Variants in ASAP1 observed in about 807,000 individuals in gnomAD.
The protein encoded by ASAP1 is ArfGAP with SH3 domain, ankyrin repeat and PH domain 1, also known as arf-GAP with SH3 domain, ANK repeat and PH domain-containing protein 1.
A neutral mutation model predicts 145.2 loss-of-function variants in ASAP1; 43 were observed. The ratio of observed to expected loss-of-function variants is 0.30; its 90% CI spans 0.23 to 0.38. The LOEUF (loss-of-function observed/expected upper bound fraction) is 0.38. Ranked by LOEUF, ASAP1 falls within the 10% of genes least tolerant of loss-of-function variation. The pLI, the probability that ASAP1 is intolerant of heterozygous loss-of-function variation, is 1.00. For missense variants in ASAP1, 1,018 were observed against 1,355.3 expected (o/e 0.75, Z 3.91); for synonymous variants, 546 against 515.5 (o/e 1.06, Z -0.80).
intron 18 of ASAP1, among the ~76,000 whole-genome samples, chr8:130,122,806 C>G (rs905194224): frequency 1.3e-5 from 2 of 152,182 alleles, no homozygotes; most frequent in Non-Finnish European, 2.9e-5. Flanking sequence ...CAAAGCTGAC[C>G]AGGTGGCGCT....
chr8:130,290,735 G>T (rs1005926598), intron 3 of ASAP1, among the ~76,000 whole-genome samples: 1 of 152,176 alleles, frequency 6.6e-6, no homozygotes, highest in Non-Finnish European at 1.5e-5. Flanking sequence ...CCTTGCAGAT[G>T]CTCTGAGGCA....
intron 27 of ASAP1, among the ~76,000 whole-genome samples, chr8:130,071,005 AGG>A (rs1466220526): frequency 0.044 from 256 of 5,780 alleles, 30 homozygotes; most frequent in Middle Eastern, 0.17. Flanking sequence ...GAGAGAGGGG[AGG>A]GGGGGAGAGA....
intron 3 of ASAP1, among the ~76,000 whole-genome samples, chr8:130,299,475 T>G (rs1822489540): frequency 1.3e-5 from 2 of 152,250 alleles, no homozygotes; most frequent in Admixed American, 1.3e-4. Flanking sequence ...CAACACTATA[T>G]GGCACAGTAC....
chr8:130,293,942 C>G (rs1822101176), intron 3 of ASAP1, among the ~76,000 whole-genome samples: 1 of 152,230 alleles, frequency 6.6e-6, no homozygotes, highest in South Asian at 2.1e-4. Flanking sequence ...CCTCCTGCCA[C>G]TAATGCAATT....
At chr8:130,410,610 G>A (rs1250987215) in intron 1 of ASAP1, among the ~76,000 whole-genome samples, 1 of 152,212 alleles carries the variant, frequency 6.6e-6, no homozygotes, top group Non-Finnish European at 1.5e-5. Context: ...GGTCTGCTGT[G>A]CTGCCCATTG....
intron 24 of ASAP1, among the ~76,000 whole-genome samples, chr8:130,108,452 T>C (rs2135554859): frequency 6.6e-6 from 1 of 152,330 alleles, no homozygotes; most frequent in South Asian, 2.1e-4. Flanking sequence ...ATCCTATCTT[T>C]GAGTTAAGAT....
At chr8:130,388,676 T>C (rs1828135082) in intron 2 of ASAP1, among the ~76,000 whole-genome samples, 1 of 152,146 alleles carries the variant, frequency 6.6e-6, no homozygotes, top group Non-Finnish European at 1.5e-5. Context: ...CTTGGTGTCA[T>C]AGAAGCCAAA....
intron 27 of ASAP1, among the ~76,000 whole-genome samples, chr8:130,065,073 G>A (rs1356146303): frequency 1.3e-5 from 2 of 151,938 alleles, no homozygotes; most frequent in African/African-American, 4.8e-5. Context: ...TAGACACAAG[G>A]TCTCATTATG....
chr8:130,193,909 C>A (rs1262569874), intron 5 of ASAP1, among the ~76,000 whole-genome samples: 1 of 152,142 alleles, frequency 6.6e-6, no homozygotes, highest in African/African-American at 2.4e-5. Flanking sequence ...AGGCTGGTTT[C>A]CAACTCCTGG....
intron 3 of ASAP1, among the ~76,000 whole-genome samples, chr8:130,357,204 C>T (rs1448949106): frequency 6.6e-6 from 1 of 152,148 alleles, no homozygotes; most frequent in Non-Finnish European, 1.5e-5. Flanking sequence ...GCCCTGCCCC[C>T]CACCCCCCAC....
At chr8:130,246,183 C>G (rs1054561979) in intron 3 of ASAP1, among the ~76,000 whole-genome samples, 4 of 151,836 alleles carry the variant, frequency 2.6e-5, no homozygotes, top group Admixed American at 1.3e-4. Context: ...TCCCCTTCGC[C>G]CCCCCATGGG....
At position 130,167,564 on chromosome 8, in the gene ASAP1, T is replaced by C. The variant is rs2097682505; in HGVS notation, c.881A>G (p.Lys294Arg). 6.2e-7 allele frequency: 1 copy of C among 1,613,934 alleles called. No individual in the cohort carries two copies. The change falls in exon 11 of 30, where the codon AAA becomes AGA. Residue 294 changes from lysine to arginine, a missense_variant. Physicochemically the swap from Lys to Arg is conservative, Grantham distance 26. Around this residue, in one of 9 missense-constraint regions of ASAP1, gnomAD observed 62 missense variants for 68.5 expected, o/e 0.90. Transcript: ENST00000518721. Reference protein sequence around the residue: ...KQLTALRDLIKSSLQLDQKED... With the variant: ...KQLTALRDLIRSSLQLDQKED... ...TTTCTGATCCAGTTGAAGAGAGGAT[T>C]TTATTAAGTCTCGGAGTGCAGTTAG... is the stretch of plus-strand genomic sequence containing the variant.
chr8:130,151,067 C>T (rs1033838249), intron 13 of ASAP1, among the ~76,000 whole-genome samples: 45 of 151,872 alleles, frequency 3.0e-4, no homozygotes, highest in Non-Finnish European at 5.7e-4. Flanking sequence ...AGAATGGAAG[C>T]TTAACAAAAG....
intron 3 of ASAP1, among the ~76,000 whole-genome samples, chr8:130,261,207 A>G (rs1819875015): frequency 6.6e-6 from 1 of 152,172 alleles, no homozygotes; most frequent in Non-Finnish European, 1.5e-5. Context: ...GTTTAAATAT[A>G]TGTGTGTATG....
intron 3 of ASAP1, among the ~76,000 whole-genome samples, chr8:130,335,779 C>G (rs1370908642): frequency 6.6e-6 from 1 of 152,136 alleles, no homozygotes; most frequent in Non-Finnish European, 1.5e-5. Context: ...GAAAATGTAG[C>G]TCAGGAGAAA....
Position 130,258,294 on chromosome 8 carries a change from G to A in ASAP1, c.187-21300C>T, listed in dbSNP as rs113359937. Among the ~76,000 whole-genome samples, 12 of 152,284 alleles carry A rather than the reference G, an allele frequency of 7.9e-5. No individual in the cohort carries two copies. In the East Asian group the frequency reaches 2.3e-3, roughly 29 times the overall value. On this transcript the variant is annotated intron_variant, in intron 3 of 29. Transcript: ENST00000518721. ...TCCAAGAATTCTGCACGTGACCCAG[G>A]ATGGTTTGTCAAGGACAGTCCCTGT...
At chr8:130,199,532 T>C (rs1256798152) in intron 5 of ASAP1, among the ~76,000 whole-genome samples, 1 of 152,176 alleles carries the variant, frequency 6.6e-6, no homozygotes, top group Non-Finnish European at 1.5e-5. Flanking sequence ...TGTTAGGCTT[T>C]GTCTGGCAAG....
chr8:130,355,705 C>A (rs1447019120), intron 3 of ASAP1, among the ~76,000 whole-genome samples: 1 of 152,142 alleles, frequency 6.6e-6, no homozygotes, highest in Admixed American at 6.5e-5. Flanking sequence ...TATAATAATG[C>A]ACTACTTCCA....
chr8:130,158,921 C>CG (rs1053094651), intron 12 of ASAP1, among the ~76,000 whole-genome samples: 1 of 151,852 alleles, frequency 6.6e-6, no homozygotes, highest in African/African-American at 2.4e-5. Flanking sequence ...TTAGTAGAGA[C>CG]GGGGTTTCAC....
Sources: allele counts gnomAD v4.1 joint callset (sites outside exome capture counted in the v4.1 genomes callset), GRCh38; gene constraint gnomAD v4.1.1; regional missense constraint gnomAD v4.1.1; transcripts MANE v1.5; gene names NCBI Gene and HGNC (gene_info 2026-07-23, HGNC 2026-07-21).